Variants in ZC2HC1A observed in about 807,000 individuals in gnomAD.
ZC2HC1A encodes the protein zinc finger C2HC-type containing 1A.
A neutral mutation model predicts 40.7 loss-of-function variants in ZC2HC1A; 28 were observed. The ratio of observed to expected loss-of-function variants is 0.69; its 90% CI spans 0.51 to 0.94. The LOEUF is 0.94. ZC2HC1A is among the 40% of genes least tolerant of loss of function. The pLI is 0.00. For synonymous variants in ZC2HC1A, 129 were observed against 129.2 expected, an observed-to-expected ratio of 1.00 and a Z score of 0.01; for missense variants, 389 against 386.3, an observed-to-expected ratio of 1.01 and a Z score of -0.06.
At chr8:78,704,153 G>A (rs569755670) in intron 7 of ZC2HC1A, among the ~76,000 whole-genome samples, 5 of 152,128 alleles carry the variant, frequency 3.3e-5, no homozygotes, top group Admixed American at 6.5e-5. Flanking sequence ...AGACCGAGGC[G>A]AGCGGATCAC....
chr8:78,666,821 A>G (rs1809314059), intron 1 of ZC2HC1A, among the ~76,000 whole-genome samples: 1 of 152,120 alleles, frequency 6.6e-6, no homozygotes, highest in Non-Finnish European at 1.5e-5. Flanking sequence ...TTATCTTTGT[A>G]CTGTAACCAT....
At chr8:78,710,982 A>C (rs181490072) in intron 7 of ZC2HC1A, among the ~76,000 whole-genome samples, 4 of 152,192 alleles carry the variant, frequency 2.6e-5, no homozygotes, top group Admixed American at 2.0e-4. Context: ...TCAGACACTA[A>C]ACTCCATAAG....
chr8:78,673,998 A>G (rs920052390), intron 1 of ZC2HC1A, among the ~76,000 whole-genome samples: 1 of 152,112 alleles, frequency 6.6e-6, no homozygotes, highest in African/African-American at 2.4e-5. Flanking sequence ...TAACTTGTGG[A>G]AATTAATGTC....
rs370156121 is a variant in ZC2HC1A, at chr8:78,715,235, C to A, written c.719C>A (p.Pro240His). ...AAPHAGANVK[P>H]RNSTPPSLAR... ...CTTTTTTATAGAGCTAATGTCAAAC[C>A]CCGAAATTCCACACCACCTAGTTTG... is the stretch of plus-strand genomic sequence containing the variant. The change falls in exon 8 of 9, where the codon CCC becomes CAC. Residue 240 changes from proline to histidine, a missense_variant. Physicochemically the swap from Pro to His is moderately conservative, Grantham distance 77 (BLOSUM62 -2). Transcript: ENST00000263849. 1 of 1,613,354 alleles carries A rather than the reference C, an allele frequency of 6.2e-7. No homozygotes were observed. The highest frequency in any genetic ancestry group is 8.5e-7 in the Non-Finnish European group (1 of 1,179,734).
intron 7 of ZC2HC1A, among the ~76,000 whole-genome samples, chr8:78,705,075 T>G (rs1009584439): frequency 1.3e-5 from 2 of 152,224 alleles, no homozygotes; most frequent in African/African-American, 4.8e-5. Context: ...TTCGTTCCTG[T>G]CCGTATCCTG....
chr8:78,686,587 C>T lies in ZC2HC1A; in HGVS notation c.331C>T (p.Pro111Ser). The T allele has an allele frequency of 6.6e-7, 1 of 1,526,208 alleles. No individual in the cohort carries two copies. Among genetic ancestry groups the T allele is most frequent in the Admixed American group, 2.0e-5 (1 of 50,606 alleles). 94.5% of individuals were successfully genotyped at this position (1,526,208 alleles called of 1,614,324 possible). A position where few individuals can be genotyped will look rare whatever the true frequency, so the allele number is the denominator to read the frequency against. ...AGAGGGTGGCAAACTTCCTCCTCCT[C>T]CTCCACCTTCTTATGATCCTGGTAT... ...LKEGGKLPPP[P>S]PPSYDPDYIQ... Residue 111 changes from proline (P) to serine (S), a missense_variant, in exon 4 of 9, where the codon CCT (proline) becomes TCT (serine). Transcript: ENST00000263849.
At chr8:78,672,530 T>C (rs548359709) in intron 1 of ZC2HC1A, among the ~76,000 whole-genome samples, 1 of 152,354 alleles carries the variant, frequency 6.6e-6, no homozygotes, top group African/African-American at 2.4e-5. Context: ...GTCACTTAAC[T>C]GATCACCAGC....
chr8:78,701,501 G>A (rs1243622051), intron 7 of ZC2HC1A, among the ~76,000 whole-genome samples: 1 of 152,146 alleles, frequency 6.6e-6, no homozygotes, highest in African/African-American at 2.4e-5. Context: ...TCTCTTGCCT[G>A]ATTGCACTGG....
intron 7 of ZC2HC1A, among the ~76,000 whole-genome samples, chr8:78,707,784 T>C (rs947959592): frequency 6.6e-6 from 1 of 152,124 alleles, no homozygotes; most frequent in Non-Finnish European, 1.5e-5. Context: ...AACTGGAACA[T>C]TGTGTTACTG....
intron 5 of ZC2HC1A, among the ~76,000 whole-genome samples, chr8:78,695,503 C>A (rs1220198880): frequency 6.6e-6 from 1 of 152,126 alleles, no homozygotes; most frequent in Non-Finnish European, 1.5e-5. Context: ...TTTGATTGTA[C>A]AGTTTGAGTG....
At position 78,717,371 on chromosome 8, in the gene ZC2HC1A, A is replaced by G. The variant is rs779146262; in HGVS notation, c.856A>G (p.Lys286Glu). 23 of 1,613,666 alleles carry G rather than the reference A, an allele frequency of 1.4e-5. No homozygotes were observed. Among genetic ancestry groups the G allele is most frequent in the Non-Finnish European group, 1.9e-5 (23 of 1,179,898 alleles). ...ATCTTCCCTTAATGGTGGAAATATT[A>G]AAGGCATTGAAGGACATTCACCTGG... is the stretch of plus-strand genomic sequence containing the variant. ...CASSLNGGNIKGIEGHSPGNL... is the reference protein window; with the variant it reads ...CASSLNGGNIEGIEGHSPGNL... The change falls in exon 9 of 9, where the codon AAA becomes GAA. Residue 286 changes from lysine to glutamate, a missense_variant. Physicochemically the swap from Lys to Glu is moderately conservative, Grantham distance 56. Transcript: ENST00000263849.
At chr8:78,677,708 AG>A (rs1483666471) in intron 2 of ZC2HC1A, among the ~76,000 whole-genome samples, 1 of 152,032 alleles carries the variant, frequency 6.6e-6, no homozygotes. Context: ...TTAGTGTTAC[AG>A]GGCAGATAAA....
chr8:78,689,042 T>TG (rs1810119839), intron 4 of ZC2HC1A, among the ~76,000 whole-genome samples, 180 bp from the exon 5 acceptor site: 1 of 151,776 alleles, frequency 6.6e-6, no homozygotes, highest in Admixed American at 6.6e-5. Flanking sequence ...GACTTTTTTT[T>TG]TTTTTAACTC....
At chr8:78,708,604 GATTT>G (rs1461358850) in intron 7 of ZC2HC1A, among the ~76,000 whole-genome samples, 6 of 150,798 alleles carry the variant, frequency 4.0e-5, no homozygotes, top group African/African-American at 1.5e-4. Context: ...AATTTTAACA[GATTT>G]GTTTAAAAAA....
intron 1 of ZC2HC1A, among the ~76,000 whole-genome samples, chr8:78,674,513 G>T (rs1809519208): frequency 6.6e-6 from 1 of 152,138 alleles, no homozygotes; most frequent in South Asian, 2.1e-4. Context: ...AAGTGATCCA[G>T]ATAAATGAGA....
At chr8:78,695,199 G>A (rs1007432339) in intron 5 of ZC2HC1A, among the ~76,000 whole-genome samples, 33 of 152,270 alleles carry the variant, frequency 2.2e-4, no homozygotes, top group Middle Eastern at 3.4e-3. Flanking sequence ...ATATAAGTAA[G>A]GTTGTTCTAG....
Position 78,686,589 on chromosome 8 carries a change from T to C in ZC2HC1A, c.333T>C (p.Pro111=). 6.6e-7 allele frequency: 1 copy of C among 1,523,070 alleles called. No individual in the cohort carries two copies. Among genetic ancestry groups the C allele is most frequent in the Non-Finnish European group, 8.8e-7 (1 of 1,135,802 alleles). The allele number at this position is 1,523,070 out of a possible 1,614,324, so 94.3% of individuals were successfully genotyped here. ...LKEGGKLPPP[P]PPSYDPDYIQ... ...AGGGTGGCAAACTTCCTCCTCCTCC[T>C]CCACCTTCTTATGATCCTGGTATTT... The change falls in exon 4 of 9, where the codon CCT becomes CCC. Residue 111 remains proline, a synonymous_variant. Coordinates refer to ENST00000263849, the MANE Select transcript of ZC2HC1A (RefSeq NM_016010.3).
At chr8:78,693,308 C>T (rs1297057425) in intron 5 of ZC2HC1A, among the ~76,000 whole-genome samples, 2 of 151,360 alleles carry the variant, frequency 1.3e-5, no homozygotes, top group Admixed American at 1.3e-4. Flanking sequence ...AATCACCACA[C>T]TGACTTCCAC....
Position 78,689,298 on chromosome 8 carries a change from A to G in ZC2HC1A, c.429A>G (p.Glu143=). Residue 143 remains glutamate (E), a synonymous_variant, in exon 5 of 9, where the codon GAA becomes GAG. Transcript: ENST00000263849. ...AADRHINFCK[E]QAARISNKGK... ...ATAGACATATAAATTTCTGTAAAGA[A>G]CAGGCAGCACGTATTAGTAATAAAG... 1 of 1,604,136 alleles carries G rather than the reference A, an allele frequency of 6.2e-7. No homozygotes were observed. The highest frequency in any genetic ancestry group is 1.1e-5 in the South Asian group (1 of 89,408).
Sources: gnomAD v4.1 joint callset for allele counts (sites outside exome capture counted in the v4.1 genomes callset) on GRCh38, gnomAD v4.1.1 for gene constraint, MANE v1.5 for transcripts, NCBI Gene and HGNC (gene_info 2026-07-23, HGNC 2026-07-21) for gene names.